Variants in LMO7 observed in about 807,000 individuals in gnomAD.
LMO7 encodes the protein LIM domain only protein 7.
A neutral mutation model predicts 206.5 loss-of-function variants in LMO7; 120 were observed. The ratio of observed to expected loss-of-function variants is 0.58; its 90% CI spans 0.50 to 0.68. The LOEUF is 0.68. LMO7 is among the 30% of genes least tolerant of loss of function. LMO7 has a pLI of 0.00. For missense variants in LMO7, 1,959 were observed against 1,957.9 expected (o/e 1.00, Z -0.01); for synonymous variants, 706 against 681.5 (o/e 1.04, Z -0.56).
At chr13:75,737,851 A>AAC (rs1555305862) in intron 3 of LMO7, among the ~76,000 whole-genome samples, 7 of 145,422 alleles carry the variant, frequency 4.8e-5, no homozygotes, top group African/African-American at 1.2e-4. Context: ...CCAAAAAAAA[A>AAC]AAAAAAAAAA....
rs2061111908 is a variant in LMO7, at chr13:75,858,101, T to A, written c.*158T>A. 4.5e-6 allele frequency: 3 copies of A among 663,120 alleles called. No individual in the cohort carries two copies. Among genetic ancestry groups the A allele is most frequent in the Non-Finnish European group, 7.3e-6 (3 of 410,058 alleles). The allele number at this position is 663,120 out of a possible 1,614,324, so 41.1% of individuals were successfully genotyped here. On this transcript the variant is annotated 3_prime_UTR_variant, in exon 31 of 31. Coordinates refer to ENST00000377534, the MANE Select transcript of LMO7 (RefSeq NM_001306080.2). ...TAGATTACATAGAAGCATTGTAGTC[T>A]TGGTAGAACCAGTATTTTTGTTGTT...
chr13:75,655,637 TTATATATA>T (rs67966172), intron 1 of LMO7, among the ~76,000 whole-genome samples: 142 of 134,668 alleles, frequency 1.1e-3, no homozygotes, highest in African/African-American at 2.6e-3. Context: ...TTCATGGATT[TTATATATA>T]TATATATATA....
chr13:75,843,042 G>A (rs939041668), intron 25 of LMO7, 126 bp downstream of exon 25: 27 of 665,340 alleles, frequency 4.1e-5, no homozygotes, highest in African/African-American at 7.2e-5. Flanking sequence ...AAGAGGAATT[G>A]CTGGTTGATC....
intron 11 of LMO7, among the ~76,000 whole-genome samples, chr13:75,811,194 CTTTTTT>C (rs74462505): frequency 2.1e-5 from 3 of 145,406 alleles, no homozygotes; most frequent in African/African-American, 5.0e-5. Flanking sequence ...CTTTTTCTTT[CTTTTTT>C]TCTTTCTCTT....
At chr13:75,800,336 A>AC (rs1165918071) in intron 6 of LMO7, among the ~76,000 whole-genome samples, 1 of 152,218 alleles carries the variant, frequency 6.6e-6, no homozygotes, top group African/African-American at 2.4e-5. Flanking sequence ...GAGAACTGTA[A>AC]TAACTGAGTT....
intron 3 of LMO7, among the ~76,000 whole-genome samples, chr13:75,735,824 T>C (rs946343339): frequency 1.3e-5 from 2 of 151,100 alleles, no homozygotes. Flanking sequence ...TAAAAATGAC[T>C]TATAAAATAA....
chr13:75,679,991 T>A (rs1456876278), intron 1 of LMO7, among the ~76,000 whole-genome samples: 1 of 152,232 alleles, frequency 6.6e-6, no homozygotes, highest in Non-Finnish European at 1.5e-5. Flanking sequence ...GGTAGTTTGC[T>A]GCACCTATCA....
chr13:75,730,027 T>G (rs1341627403), intron 3 of LMO7, among the ~76,000 whole-genome samples: 4 of 152,058 alleles, frequency 2.6e-5, no homozygotes, highest in African/African-American at 9.7e-5. Flanking sequence ...GGATTCGGTT[T>G]GCCAGTATTT....
chr13:75,790,762 G>A (rs1307805201), intron 4 of LMO7, among the ~76,000 whole-genome samples: 2 of 152,240 alleles, frequency 1.3e-5, no homozygotes, highest in Non-Finnish European at 1.5e-5. Context: ...AAGCTCAGAT[G>A]TCCATGATGG....
chr13:75,748,768 A>G (rs1448056004), intron 3 of LMO7, among the ~76,000 whole-genome samples: 1 of 151,736 alleles, frequency 6.6e-6, no homozygotes, highest in Non-Finnish European at 1.5e-5. Context: ...TTTTACAGTT[A>G]CAGTGAGGGA....
At chr13:75,782,112 A>G (rs113780665) in intron 4 of LMO7, among the ~76,000 whole-genome samples, 185 of 152,256 alleles carry the variant, frequency 1.2e-3, no homozygotes, top group Middle Eastern at 3.4e-3. Flanking sequence ...CTTTTGCTGT[A>G]CAGAAGCTCT....
intron 22 of LMO7, 41 bp from the exon 23 acceptor site, chr13:75,841,067 GA>G (rs1566593185): frequency 8.2e-7 from 1 of 1,212,400 alleles, no homozygotes; most frequent in Non-Finnish European, 1.2e-6. Context: ...CTAATGTGAA[GA>G]GTTAATCTAT....
In LMO7 at chr13:75,636,419, C is replaced by T; in HGVS notation, c.-239C>T. On this transcript the variant is annotated 5_prime_UTR_variant, in exon 1 of 31. Transcript: ENST00000377534. ...CCTGACTGCCCGGGTCCCCGCGGGC[C>T]TTGGGTCGCTTTCAGGAGTTTAGAG... is the stretch of plus-strand genomic sequence containing the variant. 1 of 1,355,290 alleles carries T rather than the reference C, an allele frequency of 7.4e-7. No individual in the cohort carries two copies. 84.0% of individuals were successfully genotyped at this position (1,355,290 alleles called of 1,614,324 possible). A position where few individuals can be genotyped will look rare whatever the true frequency, so the allele number is the denominator to read the frequency against.
Position 75,859,740 on chromosome 13 carries a change from C to T in LMO7, c.*1797C>T, listed in dbSNP as rs1372619518. ...CTGGCTTCGACTCCTATAAGCAGCA[C>T]GTGGGCTTGTTCATCTCACTGCATG... On this transcript the variant is annotated 3_prime_UTR_variant, in exon 31 of 31. Coordinates refer to ENST00000377534, the MANE Select transcript of LMO7 (RefSeq NM_001306080.2). The T allele has an allele frequency of 2.0e-5, 3 of 152,134 alleles. No individual in the cohort carries two copies. Among genetic ancestry groups the T allele is most frequent in the East Asian group, 1.9e-4 (1 of 5,194 alleles). 9.4% of individuals were successfully genotyped at this position (152,134 alleles called of 1,614,324 possible). A position where few individuals can be genotyped will look rare whatever the true frequency, so the allele number is the denominator to read the frequency against.
At chr13:75,630,553 A>C (rs2034783760) in intron 2 of LMO7, among the ~76,000 whole-genome samples, 1 of 152,218 alleles carries the variant, frequency 6.6e-6, no homozygotes, top group African/African-American at 2.4e-5. Flanking sequence ...ATGCATCTGT[A>C]GTCCCAGGTA....
At chr13:75,733,573 G>A (rs564055124) in intron 3 of LMO7, among the ~76,000 whole-genome samples, 31 of 152,242 alleles carry the variant, frequency 2.0e-4, no homozygotes, top group Middle Eastern at 3.4e-3. Context: ...GACCCCTTGC[G>A]CTTCCCGAGT....
chr13:75,785,646 A>G (rs1314090058), intron 4 of LMO7, among the ~76,000 whole-genome samples: 1 of 152,216 alleles, frequency 6.6e-6, no homozygotes, highest in African/African-American at 2.4e-5. Flanking sequence ...CATAATTTCA[A>G]TTTGCTAGTA....
chr13:75,677,826 T>C (rs2040147926), intron 1 of LMO7, among the ~76,000 whole-genome samples: 1 of 126,212 alleles, frequency 7.9e-6, no homozygotes, highest in Non-Finnish European at 1.6e-5. Context: ...CGGTGTGTGA[T>C]GTTCCCCTTC....
At chr13:75,685,254 A>G (rs1320732110) in intron 1 of LMO7, among the ~76,000 whole-genome samples, 2 of 152,146 alleles carry the variant, frequency 1.3e-5, no homozygotes, top group African/African-American at 2.4e-5. Flanking sequence ...AGACTCAGAC[A>G]TGGACTTGGA....
Sources: allele counts gnomAD v4.1 joint callset (sites outside exome capture counted in the v4.1 genomes callset), GRCh38; gene constraint gnomAD v4.1.1; transcripts MANE v1.5; gene names NCBI Gene and HGNC (gene_info 2026-07-23, HGNC 2026-07-21).